Variants in DNAH9 observed in about 807,000 individuals in gnomAD.
DNAH9 encodes the protein DNAH9 variant protein.
Under a neutral mutation model 471.6 loss-of-function variants are expected in DNAH9, and 345 were observed. The observed-to-expected ratio is 0.73, with a 90% CI of 0.67 to 0.80. DNAH9 has a LOEUF of 0.80. Among genes scored for constraint, DNAH9 ranks in the 30% least tolerant of loss-of-function variants. The probability of loss-of-function intolerance (pLI) is 0.00; values close to 1 mark genes in which losing one functional copy is unlikely to be tolerated. For synonymous variants in DNAH9, 2,093 were observed against 2,123.6 expected (o/e 0.99, Z 0.40); for missense variants, 5,407 against 5,609.2 (o/e 0.96, Z 1.15).
chr17:11,723,894 G>T (rs896829787), intron 27 of DNAH9, among the ~76,000 whole-genome samples: 1 of 151,896 alleles, frequency 6.6e-6, no homozygotes, highest in Admixed American at 6.6e-5. Flanking sequence ...AGGATGGTCT[G>T]GATCTCCTGA....
intron 45 of DNAH9, among the ~76,000 whole-genome samples, chr17:11,811,466 C>T (rs1055828110): frequency 1.3e-5 from 2 of 152,130 alleles, no homozygotes; most frequent in East Asian, 1.9e-4. Flanking sequence ...GCAGCTCTAC[C>T]GTAATTACTT....
At chr17:11,662,124 T>C (rs2073776793) in intron 14 of DNAH9, among the ~76,000 whole-genome samples, 1 of 152,206 alleles carries the variant, frequency 6.6e-6, no homozygotes, top group Non-Finnish European at 1.5e-5. Context: ...TTGGAAGTTA[T>C]TTCATTATCA....
chr17:11,909,642 A>G (rs1288813934), intron 61 of DNAH9, among the ~76,000 whole-genome samples: 1 of 152,126 alleles, frequency 6.6e-6, no homozygotes, highest in Non-Finnish European at 1.5e-5. Flanking sequence ...TTGCCCCTCC[A>G]TGACATCATC....
Position 11,894,508 on chromosome 17 carries a change from C to A in DNAH9, c.11406+12C>A. ...GGGGAGCTGTCAAGGTCAGTATTGA[C>A]CCCTAGAAAAAAGCCAAGCTCTCAT... is the stretch of plus-strand genomic sequence containing the variant. On this transcript the variant is annotated intron_variant, in intron 59 of 68. Transcript: ENST00000262442. 1 of 1,608,114 alleles carries A rather than the reference C, an allele frequency of 6.2e-7. No homozygotes were observed. Among genetic ancestry groups the A allele is most frequent in the Non-Finnish European group, 8.5e-7 (1 of 1,175,312 alleles).
At chr17:11,847,700 C>T (rs755307672) in intron 49 of DNAH9, among the ~76,000 whole-genome samples, 10 of 152,328 alleles carry the variant, frequency 6.6e-5, no homozygotes, top group African/African-American at 1.9e-4. Context: ...ATCTCCCATT[C>T]GTTCTGCTCC....
In DNAH9 at chr17:11,623,257, A is replaced by G. The variant is rs1358240761; in HGVS notation, c.1350+3476A>G. Among the ~76,000 whole-genome samples the G allele has an allele frequency of 1.3e-5, 2 of 151,922 alleles. No homozygotes were observed. The highest frequency in any genetic ancestry group is 2.9e-5 in the Non-Finnish European group (2 of 67,996). ...CCAAAGTGCTGGGATTACAGGTGTG[A>G]GCCACCGTGCCCGGCCAGCATTTCT... is the stretch of plus-strand genomic sequence containing the variant. On this transcript the variant is annotated intron_variant, in intron 6 of 68. Coordinates refer to ENST00000262442, the MANE Select transcript of DNAH9 (RefSeq NM_001372.4). The surrounding 1 kb of genome is among the most constrained non-coding windows in gnomAD (Gnocchi z 4.1).
At chr17:11,857,903 C>T (rs1372999700) in intron 50 of DNAH9, among the ~76,000 whole-genome samples, 2 of 152,188 alleles carry the variant, frequency 1.3e-5, no homozygotes, top group Non-Finnish European at 2.9e-5. Context: ...TAGAAGCTCC[C>T]TGAGGCCTCC....
chr17:11,764,953 A>T (rs889678617), intron 36 of DNAH9, among the ~76,000 whole-genome samples: 10 of 152,206 alleles, frequency 6.6e-5, no homozygotes, highest in Non-Finnish European at 8.8e-5. Context: ...AAGTGATTTT[A>T]AAAAATAGCT....
At chr17:11,684,719 G>T (rs2074206748) in intron 19 of DNAH9, among the ~76,000 whole-genome samples, 1 of 152,182 alleles carries the variant, frequency 6.6e-6, no homozygotes. Context: ...TTCTATGAAT[G>T]GCTGGGAGGG....
intron 67 of DNAH9, among the ~76,000 whole-genome samples, chr17:11,945,107 C>T (rs1975064760): frequency 6.6e-6 from 1 of 152,150 alleles, no homozygotes; most frequent in African/African-American, 2.4e-5. Flanking sequence ...GATGGAGCAG[C>T]GAGGAATGTC....
chr17:11,738,490 C>T (rs563843782), intron 28 of DNAH9, among the ~76,000 whole-genome samples: 13 of 152,316 alleles, frequency 8.5e-5, no homozygotes, highest in African/African-American at 3.1e-4. Flanking sequence ...AAACAATTCT[C>T]CTGCCTCAGC....
At chr17:11,599,303 C>T (rs1005184915) in intron 1 of DNAH9, among the ~76,000 whole-genome samples, 1 of 152,060 alleles carries the variant, frequency 6.6e-6, no homozygotes, top group Non-Finnish European at 1.5e-5. Flanking sequence ...TCTCGTAATC[C>T]CTCCTGTAAA....
intron 59 of DNAH9, among the ~76,000 whole-genome samples, chr17:11,899,910 A>G (rs1245592834): frequency 1.3e-5 from 2 of 152,214 alleles, no homozygotes; most frequent in South Asian, 2.1e-4. Context: ...AGAGGCCTAC[A>G]AAAGTTCTTG....
rs778403965 is a variant in DNAH9 at position 11,738,957 on chromosome 17, T to C, written c.5892T>C (p.Pro1964=). ...SFLGEEISLN[P]SVGIFITMNP... ...TTGGGGAGGAGATCAGCCTGAATCCTTCTGTCGGTATCTTCATCACCATGA... is the reference window on the plus strand; with the variant it reads ...TTGGGGAGGAGATCAGCCTGAATCCCTCTGTCGGTATCTTCATCACCATGA... Residue 1964 remains proline, a synonymous_variant, in exon 29 of 69, where the codon CCT becomes CCC. Transcript: ENST00000262442. The C allele has an allele frequency of 1.2e-6, 2 of 1,614,080 alleles. No homozygotes were observed. The highest frequency in any genetic ancestry group is 2.2e-5 in the South Asian group (2 of 91,080).
At chr17:11,768,351 G>A (rs1306408658) in intron 36 of DNAH9, 102 bp from the exon 37 acceptor site, 2 of 1,189,784 alleles carry the variant, frequency 1.7e-6, no homozygotes, top group Non-Finnish European at 1.2e-6. Flanking sequence ...ACAGGGAGGA[G>A]CACGTTGTCC....
At chr17:11,659,354 A>T (rs972799214) in intron 14 of DNAH9, among the ~76,000 whole-genome samples, 7 of 152,196 alleles carry the variant, frequency 4.6e-5, no homozygotes, top group African/African-American at 1.7e-4. Flanking sequence ...AATGTAAAAG[A>T]GTCTTGGAAC....
chr17:11,626,643 T>C lies in DNAH9; in HGVS notation c.1351-2774T>C, dbSNP rs2072975505. Among the ~76,000 whole-genome samples, 1 of 152,156 alleles carries C rather than the reference T, an allele frequency of 6.6e-6. No individual in the cohort carries two copies. The highest frequency in any genetic ancestry group is 1.5e-5 in the Non-Finnish European group (1 of 68,024). ...GTTCAACCTGTATGGTGAGGTCACA[T>C]CTACTTCTTTGTCCCATTCACTCAT... On this transcript the variant is annotated intron_variant, in intron 6 of 68. Coordinates refer to ENST00000262442, the MANE Select transcript of DNAH9 (RefSeq NM_001372.4). This position sits in a 1 kb window ranked among gnomAD's most constrained non-coding sequence, Gnocchi z 4.3.
chr17:11,952,306 ATTCTTTTTTT>A (rs1567572786), intron 67 of DNAH9, among the ~76,000 whole-genome samples: 6 of 93,128 alleles, frequency 6.4e-5, no homozygotes, highest in South Asian at 4.0e-4. Flanking sequence ...CACCCAGCTA[ATTCTTTTTTT>A]TTTTTTTTTT....
In DNAH9 at chr17:11,669,425, G is replaced by C; in HGVS notation, c.2984G>C (p.Arg995Thr). The C allele has an allele frequency of 6.2e-7, 1 of 1,614,128 alleles. No homozygotes were observed. Among genetic ancestry groups the C allele is most frequent in the Non-Finnish European group, 8.5e-7 (1 of 1,180,024 alleles). ...AACATGCGGCGCACACTCATGGAGA[G>C]AGTCCAGAGAATGATGGGCCTCTGC... ...LANMRRTLMERVQRMMGLCCG... is the reference protein window; with the variant it reads ...LANMRRTLMETVQRMMGLCCG... The change falls in exon 17 of 69, where the codon AGA becomes ACA. Residue 995 changes from arginine (R) to threonine (T), a missense_variant. By Grantham distance (71) the Arg-to-Thr change is moderately conservative. This residue lies in a region of DNAH9 where 4,636 missense variants were observed against 4,900.3 expected (regional missense o/e 0.95). Transcript: ENST00000262442.
Sources: gnomAD v4.1 joint callset for allele counts (sites outside exome capture counted in the v4.1 genomes callset) on GRCh38, gnomAD v4.1.1 for gene constraint, gnomAD v4.1.1 regional missense constraint, Gnocchi (gnomAD v3.1) non-coding constraint, MANE v1.5 for transcripts, NCBI Gene and HGNC (gene_info 2026-07-23, HGNC 2026-07-21) for gene names.